The following LAMA3 variants were observed in gnomAD, a reference collection of about 807,000 sequenced individuals.
The protein encoded by LAMA3 is laminin subunit alpha-3.
Under a neutral mutation model 402.0 loss-of-function variants are expected in LAMA3, and 281 were observed. The ratio of observed to expected loss-of-function variants is 0.70; its 90% confidence interval spans 0.63 to 0.77. The LOEUF is 0.77. LAMA3 is among the 30% of genes least tolerant of loss of function. The probability of loss-of-function intolerance (pLI) is 0.00; values close to 1 mark genes in which losing one functional copy is unlikely to be tolerated. For missense variants in LAMA3, 3,840 were observed against 4,215.5 expected (o/e 0.91, Z 2.47); for synonymous variants, 1,431 against 1,558.4 (o/e 0.92, Z 1.93).
At chr18:23,826,259 C>G (rs1257146258) in intron 21 of LAMA3, among the ~76,000 whole-genome samples, 1 of 152,210 alleles carries the variant, frequency 6.6e-6, no homozygotes, top group Non-Finnish European at 1.5e-5. Context: ...CTGTGAATCA[C>G]CAAGATCACA....
intron 34 of LAMA3, 39 bp from the exon 35 acceptor site, chr18:23,861,607 C>G (rs778684773): frequency 1.2e-6 from 2 of 1,613,230 alleles, no homozygotes; most frequent in Admixed American, 1.7e-5. Flanking sequence ...ATGCCACGAC[C>G]AAGACGTTTC....
intron 12 of LAMA3, among the ~76,000 whole-genome samples, chr18:23,801,140 A>G (rs1402690515): frequency 6.6e-6 from 1 of 152,250 alleles, no homozygotes; most frequent in African/African-American, 2.4e-5. Context: ...TTGCAGTGAC[A>G]TGGATGCAGC....
chr18:23,842,365 AT>A (rs565708185), intron 27 of LAMA3, 29 bp from the exon 28 acceptor site: 441 of 1,613,300 alleles, frequency 2.7e-4, no homozygotes, highest in Non-Finnish European at 3.6e-4. Flanking sequence ...AGGGTTTTTA[AT>A]TTTTTTTCCT....
At position 23,867,842 on chromosome 18, in the gene LAMA3, C is replaced by T. The variant is rs1410145159; in HGVS notation, c.4692C>T (p.His1564=). The T allele has an allele frequency of 8.1e-6, 13 of 1,613,672 alleles. No homozygotes were observed. Among genetic ancestry groups the T allele is most frequent in the Non-Finnish European group, 8.5e-7 (1 of 1,179,720 alleles). ...KKPDVQLTGQ[H]MSIIYEETNT... ...TGGTTTTCTTTAAACAGGGTCAGCACATGTCCATCATCTATGAGGAGACAA... is the reference window on the plus strand; with the variant it reads ...TGGTTTTCTTTAAACAGGGTCAGCATATGTCCATCATCTATGAGGAGACAA... Residue 1564 remains histidine, a synonymous_variant, in exon 37 of 75, where the codon CAC becomes CAT. Coordinates refer to ENST00000313654, the MANE Select transcript of LAMA3 (RefSeq NM_198129.4).
At chr18:23,867,796 G>GT in intron 36 of LAMA3, 38 bp from the exon 37 acceptor site, 1 of 1,442,202 alleles carries the variant, frequency 6.9e-7, no homozygotes, top group Non-Finnish European at 9.8e-7. Context: ...AAAGATCCCA[G>GT]TGAAGGTACT....
chr18:23,746,772 A>T (rs1240191278), intron 2 of LAMA3, among the ~76,000 whole-genome samples: 1 of 151,968 alleles, frequency 6.6e-6, no homozygotes, highest in Non-Finnish European at 1.5e-5. Context: ...AATAATTTTT[A>T]AAAATATAAA....
intron 23 of LAMA3, among the ~76,000 whole-genome samples, chr18:23,831,680 C>A (rs1298406255): frequency 6.6e-6 from 1 of 152,158 alleles, no homozygotes; most frequent in Non-Finnish European, 1.5e-5. Flanking sequence ...TCTTGCTTCC[C>A]ATTGTATACC....
chr18:23,715,871 T>C (rs554998197), intron 2 of LAMA3, among the ~76,000 whole-genome samples: 1 of 152,342 alleles, frequency 6.6e-6, no homozygotes, highest in East Asian at 1.9e-4. Flanking sequence ...AGAAATGGAA[T>C]GATACTGAGA....
chr18:23,755,026 T>C (rs1042587286), intron 6 of LAMA3, among the ~76,000 whole-genome samples: 2 of 152,242 alleles, frequency 1.3e-5, no homozygotes, highest in Non-Finnish European at 2.9e-5. Flanking sequence ...GCAGTGCTGT[T>C]GAGAGAGCTT....
At chr18:23,856,319 G>A (rs957869071) in intron 32 of LAMA3, among the ~76,000 whole-genome samples, 1 of 152,178 alleles carries the variant, frequency 6.6e-6, no homozygotes, top group Admixed American at 6.5e-5. Flanking sequence ...GGTCACTGGG[G>A]TAAGATATTT....
chr18:23,896,033 T>A (rs2080863683), intron 44 of LAMA3, among the ~76,000 whole-genome samples: 1 of 152,180 alleles, frequency 6.6e-6, no homozygotes, highest in Non-Finnish European at 1.5e-5. Flanking sequence ...CTGTAACCCA[T>A]GTGTTATTTA....
intron 47 of LAMA3, among the ~76,000 whole-genome samples, chr18:23,900,601 G>A (rs1011957955): frequency 3.3e-5 from 5 of 152,136 alleles, no homozygotes; most frequent in East Asian, 1.9e-4. Flanking sequence ...AAAATGCCTC[G>A]TTAGTTCAAA....
rs1230863210 is a variant in LAMA3, at chr18:23,758,511, G to C, written c.1063G>C (p.Ala355Pro). Residue 355 changes from alanine to proline, a missense_variant and splice_region_variant, in exon 7 of 75, where the codon GCA becomes CCA. This residue lies in a region of LAMA3 where 2,109 missense variants were observed against 2,376.0 expected (regional missense o/e 0.89). Transcript: ENST00000313654. ...AAWEQSHECE[A>P]CNCHGHASNC... ...TTGGGAGCAGAGCCACGAGTGTGAA[G>C]GTGGGTGTGGGGATGGGGTGGGGGC... 1 of 1,611,248 alleles carries C rather than the reference G, an allele frequency of 6.2e-7. No homozygotes were observed. Among genetic ancestry groups the C allele is most frequent in the Non-Finnish European group, 8.5e-7 (1 of 1,178,716 alleles).
intron 67 of LAMA3, among the ~76,000 whole-genome samples, chr18:23,935,851 A>T (rs567818359): frequency 7.2e-5 from 11 of 152,210 alleles, no homozygotes; most frequent in Admixed American, 7.2e-4. Flanking sequence ...GAATTTTCCT[A>T]CCATGGGAAT....
chr18:23,761,423 G>A lies in LAMA3; in HGVS notation c.1064-1982G>A, dbSNP rs114310561. Among the ~76,000 whole-genome samples, 796 of 152,306 alleles carry A rather than the reference G, an allele frequency of 5.2e-3. 8 individuals are homozygous for A. Among genetic ancestry groups the A allele is most frequent in the African/African-American group, 0.018 (767 of 41,552 alleles). On this transcript the variant is annotated intron_variant, in intron 7 of 74. Transcript: ENST00000313654. Reference sequence around the variant, plus strand: ...GTTTAGAGTGTTGGCTAAGAGCATAGGTTCTGCAGTCAAACAAAGACAGGT... The same window carrying A: ...GTTTAGAGTGTTGGCTAAGAGCATAAGTTCTGCAGTCAAACAAAGACAGGT...
intron 1 of LAMA3, among the ~76,000 whole-genome samples, chr18:23,704,046 G>A (rs577661333): frequency 2.0e-5 from 3 of 152,328 alleles, no homozygotes; most frequent in South Asian, 4.1e-4. Context: ...ATGGCCTCCG[G>A]AACCTTAGTG....
chr18:23,905,338 A>G (rs920731118), intron 51 of LAMA3, among the ~76,000 whole-genome samples, 184 bp from the exon 52 acceptor site: 2 of 152,228 alleles, frequency 1.3e-5, no homozygotes, highest in African/African-American at 2.4e-5. Context: ...CCCAAGCCAC[A>G]TAATTCACAT....
At chr18:23,714,730 A>G (rs762320247) in intron 2 of LAMA3, among the ~76,000 whole-genome samples, 6 of 152,218 alleles carry the variant, frequency 3.9e-5, no homozygotes, top group African/African-American at 7.2e-5. Context: ...GGCATTATGT[A>G]CATTGGCATC....
intron 40 of LAMA3, among the ~76,000 whole-genome samples, chr18:23,884,235 A>G (rs140166512): frequency 0.01 from 1,596 of 152,306 alleles, 14 homozygotes; most frequent in South Asian, 0.067. Context: ...AAAAGTGAGA[A>G]TCAGCAATGA....
Sources: allele counts gnomAD v4.1 joint callset (sites outside exome capture counted in the v4.1 genomes callset), GRCh38; gene constraint gnomAD v4.1.1; regional missense constraint gnomAD v4.1.1; transcripts MANE v1.5; gene names NCBI Gene and HGNC (gene_info 2026-07-23, HGNC 2026-07-21).